Variants in IARS2 observed in about 807,000 individuals in gnomAD.
The protein encoded by IARS2 is isoleucine--tRNA ligase, mitochondrial.
A neutral mutation model predicts 126.3 loss-of-function variants in IARS2; 56 were observed. The ratio of observed to expected loss-of-function variants is 0.44; its 90% CI spans 0.36 to 0.55. The LOEUF (loss-of-function observed/expected upper bound fraction) is 0.55, where lower values mean the gene tolerates loss of function less well. Among genes scored for constraint, IARS2 ranks in the 20% least tolerant of loss-of-function variants. The pLI is 0.00. For synonymous variants in IARS2, 407 were observed against 441.1 expected (o/e 0.92, Z 0.97); for missense variants, 1,127 against 1,245.9 (o/e 0.90, Z 1.44).
chr1:220,142,969 G>A lies in IARS2; in HGVS notation c.2586G>A (p.Gly862=). ...IKEPKSVFRT[G]WISTSSIWKK... is the part of the protein sequence containing the mutation. ...AGCCCAAGAGTGTTTTCCGTACTGG[G>A]TGGATTAGTACTAGTTCTATCTGGA... The change falls in exon 21 of 23, where the codon GGG becomes GGA. Residue 862 remains glycine, a synonymous_variant. Transcript: ENST00000366922. 6.2e-7 allele frequency: 1 copy of A among 1,613,240 alleles called. No individual in the cohort carries two copies. The highest frequency in any genetic ancestry group is 8.5e-7 in the Non-Finnish European group (1 of 1,179,450).
In IARS2 at chr1:220,109,706, C is replaced by G. The variant is rs148936891; in HGVS notation, c.1328-1080C>G. Among the ~76,000 whole-genome samples the G allele has an allele frequency of 2.1e-3, 313 of 152,296 alleles. 1 individual carries two copies. The highest frequency in any genetic ancestry group is 3.7e-3 in the Non-Finnish European group (254 of 68,012). On this transcript the variant is annotated intron_variant, in intron 10 of 22. Transcript: ENST00000366922. ...CTAAGAACACCAGTGCTCCCTAATG[C>G]AGTGTGACCTCATCTAAACTTGATT...
In IARS2 at chr1:220,126,727, ATGCTTT is replaced by A. The variant is rs780154888; in HGVS notation, c.1744-19_1744-14del. On this transcript the variant is annotated splice_polypyrimidine_tract_variant and intron_variant, in intron 13 of 22. Transcript: ENST00000366922. ...ATATTGTGATCTTTGTGTACCTGAC[ATGCTTT>A]TGCATTATCTTACTAGGTTGGTGGC... 1 of 1,562,304 alleles carries A rather than the reference ATGCTTT, an allele frequency of 6.4e-7. No homozygotes were observed. The highest frequency in any genetic ancestry group is 8.8e-7 in the Non-Finnish European group (1 of 1,134,858).
chr1:220,137,395 T>G (rs1240267066), intron 16 of IARS2, among the ~76,000 whole-genome samples: 2 of 152,242 alleles, frequency 1.3e-5, no homozygotes, highest in African/African-American at 4.8e-5. Context: ...AGGTCCTAAA[T>G]GTACATCAAA....
At position 220,134,772 on chromosome 1, in the gene IARS2, T is replaced by G. The variant is rs1000422151; in HGVS notation, c.1946+262T>G. The G allele has an allele frequency of 2.3e-3, 500 of 217,564 alleles. 1 individual carries two copies. The highest frequency in any genetic ancestry group is 8.6e-3 in the African/African-American group (376 of 43,894). The allele number at this position is 217,564 out of a possible 1,614,324, so 13.5% of individuals were successfully genotyped here. A position where few individuals can be genotyped will look rare whatever the true frequency, so the allele number is the denominator to read the frequency against. Reference sequence around the variant, plus strand: ...ATGTAGTTCTTTGTTGTTGTTGTTTTTTTTTTTTTTTTTGAAAAAGGATCG... The same window carrying G: ...ATGTAGTTCTTTGTTGTTGTTGTTTGTTTTTTTTTTTTTGAAAAAGGATCG... On this transcript the variant is annotated intron_variant, in intron 15 of 22. Transcript: ENST00000366922.
rs781053194 is a variant in IARS2, at chr1:220,094,471, G to A, written c.255G>A (p.Leu85=). The change falls in exon 1 of 23, where the codon CTG becomes CTA. Residue 85 remains leucine, a synonymous_variant. Coordinates refer to ENST00000366922, the MANE Select transcript of IARS2 (RefSeq NM_018060.4). ...GCCGCCAGCAGCCGGACACGGAGCT[G>A]GAGATCCAGCAGGTACGGGCCCCGC... The part of the protein sequence containing the change: ...LLGRQQPDTE[L]EIQQKCGFSE... The A allele has an allele frequency of 6.2e-7, 1 of 1,607,822 alleles. No homozygotes were observed. Among genetic ancestry groups the A allele is most frequent in the East Asian group, 2.2e-5 (1 of 44,586 alleles).
chr1:220,100,654 A>C lies in IARS2; in HGVS notation c.550+5A>C, dbSNP rs752251586. ...CTATGGAAATTAGAAAGAAAGGTAA[A>C]TAATCTGTATTTCTGTTTTAAAATG... On this transcript the variant is annotated splice_donor_5th_base_variant and intron_variant, in intron 3 of 22. Coordinates refer to ENST00000366922, the MANE Select transcript of IARS2 (RefSeq NM_018060.4). 7 of 1,593,490 alleles carry C rather than the reference A, an allele frequency of 4.4e-6. No homozygotes were observed. Among genetic ancestry groups the C allele is most frequent in the Non-Finnish European group, 6.0e-6 (7 of 1,163,652 alleles).
chr1:220,097,028 A>G (rs1299785556), intron 2 of IARS2, among the ~76,000 whole-genome samples: 1 of 151,876 alleles, frequency 6.6e-6, no homozygotes, highest in Non-Finnish European at 1.5e-5. Context: ...CCTGGGCAAC[A>G]GAGCAAGATT....
At chr1:220,095,064 A>T (rs1203485386) in intron 1 of IARS2, among the ~76,000 whole-genome samples, 2 of 151,926 alleles carry the variant, frequency 1.3e-5, no homozygotes, top group East Asian at 3.9e-4. Flanking sequence ...TGGAATTATG[A>T]CTCGTTTGAA....
At chr1:220,103,028 C>A (rs369134367) in intron 7 of IARS2, among the ~76,000 whole-genome samples, 7 of 151,696 alleles carry the variant, frequency 4.6e-5, no homozygotes, top group African/African-American at 1.7e-4. Flanking sequence ...ATCTTGAAGT[C>A]AGTTTTTTCT....
Position 220,129,861 on chromosome 1 carries a change from A to G in IARS2, c.1837+3018A>G, listed in dbSNP as rs192275147. Among the ~76,000 whole-genome samples the G allele has an allele frequency of 2.4e-3, 362 of 152,296 alleles. 2 individuals carry two copies. The highest frequency in any genetic ancestry group is 7.7e-3 in the African/African-American group (320 of 41,584). On this transcript the variant is annotated intron_variant, in intron 14 of 22. Transcript: ENST00000366922. Reference sequence around the variant, plus strand: ...GATATGCTGATTTTATTTCCTTTGCATAAATACCTAGTAGTGGGATTGCTG... The same window carrying G: ...GATATGCTGATTTTATTTCCTTTGCGTAAATACCTAGTAGTGGGATTGCTG...
At chr1:220,111,600 G>A (rs11808669) in intron 11 of IARS2, among the ~76,000 whole-genome samples, 4,234 of 104,682 alleles carry the variant, frequency 0.04, 87 homozygotes, top group African/African-American at 0.093. Flanking sequence ...ATATATATAT[G>A]TGTGTGTGTG....
intron 12 of IARS2, among the ~76,000 whole-genome samples, chr1:220,124,596 C>G (rs1344976554): frequency 1.3e-5 from 2 of 152,158 alleles, no homozygotes; most frequent in South Asian, 4.1e-4. Context: ...AGTTTTAGTA[C>G]TTGTGCATGG....
At chr1:220,102,645 A>G in intron 6 of IARS2, 41 bp downstream of exon 6, 3 of 1,588,904 alleles carry the variant, frequency 1.9e-6, no homozygotes, top group Non-Finnish European at 1.7e-6. Flanking sequence ...AAGTTATAGA[A>G]TTATCCCATT....
At chr1:220,103,420 G>A in intron 7 of IARS2, 27 bp from the exon 8 acceptor site, 1 of 1,240,068 alleles carries the variant, frequency 8.1e-7, no homozygotes, top group Non-Finnish European at 1.2e-6. Context: ...TTCATTATTA[G>A]TAATTTCTCC....
chr1:220,142,102 A>G (rs141923051), intron 20 of IARS2, among the ~76,000 whole-genome samples, 154 bp downstream of exon 20: 16 of 152,310 alleles, frequency 1.1e-4, no homozygotes, highest in African/African-American at 3.8e-4. Context: ...TTCTGCACCT[A>G]TTTGTAGAGG....
intron 10 of IARS2, among the ~76,000 whole-genome samples, 171 bp from the exon 11 acceptor site, chr1:220,110,615 C>T (rs1656780380): frequency 3.3e-5 from 5 of 152,158 alleles, no homozygotes; most frequent in Admixed American, 3.3e-4. Context: ...TTGCCTGCCT[C>T]AGCCTCGCAA....
chr1:220,143,886 A>C, intron 21 of IARS2: 1 of 728,468 alleles, frequency 1.4e-6, no homozygotes, highest in East Asian at 2.6e-5. Flanking sequence ...TAAATGCTTA[A>C]GAAGAGAATT....
intron 12 of IARS2, among the ~76,000 whole-genome samples, chr1:220,114,782 G>A (rs1200596358): frequency 2.0e-5 from 3 of 152,128 alleles, no homozygotes; most frequent in Non-Finnish European, 2.9e-5. Context: ...AGCCTGAAAT[G>A]TATTTTTTCT....
At chr1:220,102,467 A>G (rs767766570) in intron 5 of IARS2, 28 bp from the exon 6 acceptor site, 4 of 1,610,272 alleles carry the variant, frequency 2.5e-6, no homozygotes, top group South Asian at 2.2e-5. Context: ...GCTTCCAAGT[A>G]TTTATGTTTA....
Sources: gnomAD v4.1 joint callset for allele counts (sites outside exome capture counted in the v4.1 genomes callset) on GRCh38, gnomAD v4.1.1 for gene constraint, MANE v1.5 for transcripts, NCBI Gene and HGNC (gene_info 2026-07-23, HGNC 2026-07-21) for gene names.